The following ALOX15B variants were observed in gnomAD, a reference collection of about 807,000 sequenced individuals.
ALOX15B encodes the protein polyunsaturated fatty acid lipoxygenase ALOX15B.
ALOX15B carries 74 observed loss-of-function variants against 73.8 expected under a neutral mutation model. That is an observed-to-expected ratio of 1.00 (90% CI 0.83 to 1.22). The LOEUF is 1.22. ALOX15B is among the 50% of genes most tolerant of loss of function. The probability of loss-of-function intolerance (pLI) is 0.00; values close to 1 mark genes in which losing one functional copy is unlikely to be tolerated. For synonymous variants in ALOX15B, 353 were observed against 357.2 expected (o/e 0.99, Z 0.13); for missense variants, 896 against 859.9 (o/e 1.04, Z -0.52).
Position 8,045,475 on chromosome 17 carries a change from C to T in ALOX15B, c.997-8C>T. ...TGGCTGCCTCTCTCCCCACCTGCCT[C>T]CCCCCAGCTCAGCCAGACCCCCGGC... is the stretch of plus-strand genomic sequence containing the variant. On this transcript the variant is annotated splice_region_variant and splice_polypyrimidine_tract_variant and intron_variant, in intron 7 of 13. Coordinates refer to ENST00000380183, the MANE Select transcript of ALOX15B (RefSeq NM_001141.3). 1.2e-6 allele frequency: 2 copies of T among 1,613,820 alleles called. No homozygotes were observed. Among genetic ancestry groups the T allele is most frequent in the Non-Finnish European group, 1.7e-6 (2 of 1,179,958 alleles).
At chr17:8,040,083 T>C (rs1976396397) in intron 3 of ALOX15B, 100 bp downstream of exon 3, 3 of 1,146,108 alleles carry the variant, frequency 2.6e-6, no homozygotes, top group African/African-American at 3.1e-5. Flanking sequence ...TGCCTCCACC[T>C]CTCCTATCAA....
chr17:8,047,416 G>A (rs748848724), intron 11 of ALOX15B, 37 bp downstream of exon 11: 1 of 1,611,334 alleles, frequency 6.2e-7, no homozygotes, highest in East Asian at 2.2e-5. Context: ...ATTTGAGTGA[G>A]CCCATCCCCG....
rs556498649 is a variant in ALOX15B at position 8,044,105 on chromosome 17, GAGGA to G, written c.677-678_677-675del. Among the ~76,000 whole-genome samples the G allele has an allele frequency of 7.4e-3, 461 of 62,378 alleles. 4 individuals carry two copies. The highest frequency in any genetic ancestry group is 0.015 in the Middle Eastern group (2 of 130). The allele number at this position is 62,378 out of a possible 152,430, so 40.9% of individuals were successfully genotyped here. On this transcript the variant is annotated intron_variant, in intron 5 of 13. Transcript: ENST00000380183. ...GTGGGGAGTGGGGGAGAGAGAGAGA[GAGGA>G]AGGAAGGAAGGAAGGAAGGAAGGAA...
At position 8,046,916 on chromosome 17, in the gene ALOX15B, A is replaced by T. The variant is rs1340334008; in HGVS notation, c.1297A>T (p.Ile433Phe). The part of the protein sequence containing the change: ...PGQVVDRSTG[I>F]GIEGFSELIQ... ...GAGTCCTGTCTCTCAGTCCACAGGC[A>T]TCGGCATTGAAGGCTTCTCTGAGTT... The change falls in exon 10 of 14, where the codon ATC becomes TTC. Residue 433 changes from isoleucine (I) to phenylalanine (F), a missense_variant. Physicochemically the swap from Ile to Phe is conservative, Grantham distance 21. Transcript: ENST00000380183. 1.9e-6 allele frequency: 3 copies of T among 1,614,088 alleles called. No homozygotes were observed. The African/African-American group carries it at 4.0e-5, about 22-fold the overall frequency.
intron 5 of ALOX15B, among the ~76,000 whole-genome samples, chr17:8,044,326 G>C (rs1231831496): frequency 6.6e-6 from 1 of 151,562 alleles, no homozygotes; most frequent in African/African-American, 2.4e-5. Flanking sequence ...GGAGGCTGAG[G>C]CAGGAGGATC....
In ALOX15B at chr17:8,040,653, AAAGAAAGAG is replaced by A. The variant is rs201777947; in HGVS notation, c.449+673_449+681del. 4.5e-3 allele frequency among the ~76,000 whole-genome samples: 306 copies of A among 67,870 alleles called. 3 individuals are homozygous for A. Among genetic ancestry groups the A allele is most frequent in the East Asian group, 0.028 (49 of 1,770 alleles). 44.5% of individuals were successfully genotyped at this position (67,870 alleles called of 152,430 possible). ...AAAGAAAGAAAGAAAGAAAGAAAGAAAAGAAAGAGAAAGAAACTGCTTTAAATGCCTTAC... is the reference window on the plus strand; with the variant it reads ...AAAGAAAGAAAGAAAGAAAGAAAGAAAAAGAAACTGCTTTAAATGCCTTAC... On this transcript the variant is annotated intron_variant, in intron 3 of 13. Transcript: ENST00000380183.
At position 8,045,590 on chromosome 17, in the gene ALOX15B, T is replaced by C. The variant is rs1386125121; in HGVS notation, c.1104T>C (p.His368=). 3.1e-6 allele frequency: 5 copies of C among 1,614,092 alleles called. No homozygotes were observed. The highest frequency in any genetic ancestry group is 4.5e-5 in the East Asian group (2 of 44,900). Residue 368 remains histidine (H), a synonymous_variant, in exon 8 of 14, where the codon CAT becomes CAC. Transcript: ENST00000380183. Reference sequence around the variant, plus strand: ...TGCGCAATGCCGAGTTCTCCTTCCATGAGGCCCTCACGCACCTGCTGCACT... The same window carrying C: ...TGCGCAATGCCGAGTTCTCCTTCCACGAGGCCCTCACGCACCTGCTGCACT... The part of the protein sequence containing the change: ...TWVRNAEFSF[H]EALTHLLHSH...
intron 5 of ALOX15B, 47 bp from the exon 6 acceptor site, chr17:8,044,782 A>C (rs1976558200): frequency 5.8e-6 from 8 of 1,389,140 alleles, no homozygotes; most frequent in Non-Finnish European, 7.8e-6. Flanking sequence ...CCCCCTGCAA[A>C]GCACGCATTT....
Position 8,047,317 on chromosome 17 carries a change from G to C in ALOX15B, c.1517G>C (p.Arg506Thr), listed in dbSNP as rs2151815132. Residue 506 changes from arginine (R) to threonine (T), a missense_variant, in exon 11 of 14, where the codon AGA becomes ACA. Arg to Thr is a moderately conservative substitution (Grantham distance 71, BLOSUM62 -1). Coordinates refer to ENST00000380183, the MANE Select transcript of ALOX15B (RefSeq NM_001141.3). Reference protein sequence around the residue: ...YPSDESVQDDRELQAWVREIF... With the variant: ...YPSDESVQDDTELQAWVREIF... The stretch of plus-strand genomic sequence containing the variant: ...AGTGATGAGTCTGTCCAAGATGACA[G>C]AGAGCTCCAGGCCTGGGTCAGAGAG... 6.2e-7 allele frequency: 1 copy of C among 1,614,142 alleles called. No homozygotes were observed. The highest frequency in any genetic ancestry group is 1.3e-5 in the African/African-American group (1 of 75,040).
chr17:8,046,148 C>T (rs1232351313), intron 8 of ALOX15B, among the ~76,000 whole-genome samples: 3 of 152,196 alleles, frequency 2.0e-5, no homozygotes, highest in Non-Finnish European at 4.4e-5. Flanking sequence ...CAGGATGGCC[C>T]CCTCCCAGGG....
At chr17:8,041,384 T>C (rs1976459797) in intron 3 of ALOX15B, among the ~76,000 whole-genome samples, 1 of 152,268 alleles carries the variant, frequency 6.6e-6, no homozygotes, top group Non-Finnish European at 1.5e-5. Flanking sequence ...CTGTTGTTCC[T>C]GTCTTTCAGT....
At chr17:8,045,797 C>T in intron 8 of ALOX15B, 111 bp downstream of exon 8, 3 of 1,219,798 alleles carry the variant, frequency 2.5e-6, no homozygotes, top group Non-Finnish European at 3.5e-6. Context: ...GAGCCCCCGT[C>T]CGCTTCAGCA....
intron 5 of ALOX15B, among the ~76,000 whole-genome samples, chr17:8,044,156 GAAA>G (rs1180573169): frequency 6.6e-6 from 1 of 150,672 alleles, no homozygotes; most frequent in African/African-American, 2.4e-5. Context: ...AGGAAGGAAA[GAAA>G]GAAAAGGAAA....
intron 6 of ALOX15B, 78 bp downstream of exon 6, chr17:8,045,079 G>A (rs1976569040): frequency 6.3e-7 from 1 of 1,592,976 alleles, no homozygotes; most frequent in Admixed American, 1.7e-5. Context: ...GAGACAGAGG[G>A]GCACACTCAC....
intron 9 of ALOX15B, 59 bp from the exon 10 acceptor site, chr17:8,046,848 C>T (rs897165702): frequency 1.9e-6 from 3 of 1,611,474 alleles, no homozygotes; most frequent in Middle Eastern, 1.7e-4. Flanking sequence ...TCCCCGACAC[C>T]AGTGCTACCT....
chr17:8,039,201 G>C lies in ALOX15B; in HGVS notation c.46G>C (p.Ala16Pro). 1 of 1,612,864 alleles carries C rather than the reference G, an allele frequency of 6.2e-7. No individual in the cohort carries two copies. Among genetic ancestry groups the C allele is most frequent in the African/African-American group, 1.3e-5 (1 of 75,040 alleles). ...GGTGTCCACCGGAGAAGCCTTCGGG[G>C]CTGGCACATGGGACAAAGTGTCTGT... is the stretch of plus-strand genomic sequence containing the variant. Reference protein sequence around the residue: ...VRVSTGEAFGAGTWDKVSVSI... With the variant: ...VRVSTGEAFGPGTWDKVSVSI... Residue 16 changes from alanine to proline, a missense_variant, in exon 1 of 14, where the codon GCT becomes CCT. Physicochemically the swap from Ala to Pro is conservative, Grantham distance 27. Coordinates refer to ENST00000380183, the MANE Select transcript of ALOX15B (RefSeq NM_001141.3).
intron 5 of ALOX15B, among the ~76,000 whole-genome samples, chr17:8,043,946 G>A (rs977482256): frequency 6.6e-6 from 1 of 152,144 alleles, no homozygotes; most frequent in Admixed American, 6.5e-5. Flanking sequence ...GCATGGGCCT[G>A]TAGTCCCAGC....
rs545455096 is a variant in ALOX15B, at chr17:8,039,296, G to A, written c.141G>A (p.Ala47=). ...ACAATCTCGGCAAGGAGTTCACTGC[G>A]GGCGCTGTGAGTGCGTGGGAGTGGA... The part of the protein sequence containing the change: ...PLDNLGKEFT[A]GAEEDFQVTL... Residue 47 remains alanine, a synonymous_variant, in exon 1 of 14, where the codon GCG becomes GCA. Coordinates refer to ENST00000380183, the MANE Select transcript of ALOX15B (RefSeq NM_001141.3). The A allele has an allele frequency of 5.0e-6, 8 of 1,585,898 alleles. No homozygotes were observed. The highest frequency in any genetic ancestry group is 4.7e-5 in the South Asian group (4 of 86,020).
In ALOX15B at chr17:8,039,530, C is replaced by A. The variant is rs772831605; in HGVS notation, c.292C>A (p.Arg98=). The change falls in exon 2 of 14, where the codon CGG becomes AGG. Residue 98 remains arginine, a synonymous_variant. Coordinates refer to ENST00000380183, the MANE Select transcript of ALOX15B (RefSeq NM_001141.3). ...CCGCTGGTTCCAGCTGACACCGCCGCGGGGCGGCCACCTCCTCTTCCCCTG... is the reference window on the plus strand; with the variant it reads ...CCGCTGGTTCCAGCTGACACCGCCGAGGGGCGGCCACCTCCTCTTCCCCTG... ...FCRWFQLTPP[R]GGHLLFPCYQ... 13 of 1,348,364 alleles carry A rather than the reference C, an allele frequency of 9.6e-6. No individual in the cohort carries two copies. The highest frequency in any genetic ancestry group is 1.1e-5 in the Non-Finnish European group (11 of 1,024,308). The allele number at this position is 1,348,364 out of a possible 1,614,324, so 83.5% of individuals were successfully genotyped here. A position where few individuals can be genotyped will look rare whatever the true frequency, so the allele number is the denominator to read the frequency against.
Sources: gnomAD v4.1 joint callset for allele counts (sites outside exome capture counted in the v4.1 genomes callset) on GRCh38, gnomAD v4.1.1 for gene constraint, MANE v1.5 for transcripts, NCBI Gene and HGNC (gene_info 2026-07-23, HGNC 2026-07-21) for gene names.